Variants in NRG3 observed in about 807,000 individuals in gnomAD.
NRG3 encodes the protein pro-neuregulin-3, membrane-bound isoform.
A neutral mutation model predicts 66.9 loss-of-function variants in NRG3; 31 were observed. The observed-to-expected ratio is 0.46, with a 90% CI of 0.35 to 0.63. The LOEUF (loss-of-function observed/expected upper bound fraction) is 0.63. NRG3 is among the 20% of genes least tolerant of loss of function. NRG3 has a pLI of 0.00. For missense variants in NRG3, 910 were observed against 878.9 expected (o/e 1.04, Z -0.45); for synonymous variants, 393 against 359.4 (o/e 1.09, Z -1.06).
At chr10:82,593,818 T>G (rs1018598717) in intron 2 of NRG3, among the ~76,000 whole-genome samples, 1 of 151,956 alleles carries the variant, frequency 6.6e-6, no homozygotes, top group Non-Finnish European at 1.5e-5. Context: ...TCTGTTTTAA[T>G]ACATATATAT....
chr10:82,638,411 G>A (rs1011419990), intron 2 of NRG3, among the ~76,000 whole-genome samples: 4 of 152,128 alleles, frequency 2.6e-5, no homozygotes, highest in African/African-American at 9.7e-5. Flanking sequence ...ACTGCACTGT[G>A]TCCCTGGGAA....
At chr10:82,085,010 C>A (rs1349217331) in intron 1 of NRG3, among the ~76,000 whole-genome samples, 1 of 152,102 alleles carries the variant, frequency 6.6e-6, no homozygotes, top group African/African-American at 2.4e-5. Context: ...ATGATTGCCT[C>A]AGGAACAAAT....
intron 2 of NRG3, among the ~76,000 whole-genome samples, chr10:82,681,982 C>A (rs1254987727): frequency 6.6e-6 from 1 of 152,168 alleles, no homozygotes; most frequent in Non-Finnish European, 1.5e-5. Context: ...CAGTTCTCAA[C>A]AACCGCCTGC....
intron 1 of NRG3, among the ~76,000 whole-genome samples, chr10:82,006,736 G>A (rs952317481): frequency 2.0e-5 from 3 of 151,976 alleles, no homozygotes; most frequent in Admixed American, 2.0e-4. Flanking sequence ...TGTATCCTAA[G>A]CTCTCATTGG....
intron 2 of NRG3, among the ~76,000 whole-genome samples, chr10:82,467,131 C>G (rs1840763169): frequency 6.6e-6 from 1 of 152,130 alleles, no homozygotes; most frequent in Admixed American, 6.5e-5. Context: ...TGAAGGAGCC[C>G]TGTAAACAGT....
chr10:81,972,916 AAC>A (rs2059983014), intron 1 of NRG3, among the ~76,000 whole-genome samples: 1 of 152,210 alleles, frequency 6.6e-6, no homozygotes, highest in African/African-American at 2.4e-5. Context: ...AATTTTAAAA[AAC>A]AATCTTTTTT....
Position 81,968,443 on chromosome 10 carries a change from G to T in NRG3, c.823+92280G>T, listed in dbSNP as rs537225690. On this transcript the variant is annotated intron_variant, in intron 1 of 8. Transcript: ENST00000372141. Reference sequence around the variant, plus strand: ...CTTGCCACGCAAGTTGAAGCTGAGGGATGAGAGTGAGAAAGTGAGATGTCA... The same window carrying T: ...CTTGCCACGCAAGTTGAAGCTGAGGTATGAGAGTGAGAAAGTGAGATGTCA... 2.0e-5 allele frequency among the ~76,000 whole-genome samples: 3 copies of T among 152,286 alleles called. No individual in the cohort carries two copies. The South Asian group carries it at 6.2e-4, about 32-fold the overall frequency.
chr10:82,950,029 C>CT (rs1849376584), intron 4 of NRG3, among the ~76,000 whole-genome samples: 2 of 152,070 alleles, frequency 1.3e-5, no homozygotes, highest in Non-Finnish European at 2.9e-5. Flanking sequence ...GTTTCTCAGA[C>CT]CAGTAGCATC....
At chr10:82,951,756 A>G (rs774804954) in intron 5 of NRG3, among the ~76,000 whole-genome samples, 185 bp downstream of exon 5, 1 of 152,204 alleles carries the variant, frequency 6.6e-6, no homozygotes, top group Non-Finnish European at 1.5e-5. Context: ...ACATGCATGT[A>G]TGTGATGTGT....
At chr10:82,819,182 T>C (rs889942474) in intron 3 of NRG3, among the ~76,000 whole-genome samples, 6 of 152,204 alleles carry the variant, frequency 3.9e-5, no homozygotes, top group Admixed American at 3.3e-4. Context: ...TTACTTCTCT[T>C]AAAACTAGGT....
chr10:82,294,374 C>T (rs904740169), intron 1 of NRG3, among the ~76,000 whole-genome samples: 3 of 151,964 alleles, frequency 2.0e-5, no homozygotes, highest in Non-Finnish European at 4.4e-5. Flanking sequence ...GCCTAGGATG[C>T]ATTAGATAAT....
intron 2 of NRG3, among the ~76,000 whole-genome samples, chr10:82,373,784 T>C (rs2085043734): frequency 6.6e-6 from 1 of 152,194 alleles, no homozygotes; most frequent in South Asian, 2.1e-4. Flanking sequence ...CTTATTTTCT[T>C]TGACAAGGTT....
At chr10:82,548,622 G>A (rs1378104911) in intron 2 of NRG3, among the ~76,000 whole-genome samples, 2 of 151,462 alleles carry the variant, frequency 1.3e-5, no homozygotes, top group Non-Finnish European at 2.9e-5. Context: ...GGCAGGACCT[G>A]GAAAAACAGA....
At chr10:82,915,291 C>T (rs775533623) in intron 4 of NRG3, among the ~76,000 whole-genome samples, 3 of 152,154 alleles carry the variant, frequency 2.0e-5, no homozygotes, top group Non-Finnish European at 2.9e-5. Flanking sequence ...TTTTGTTTCA[C>T]TTTGTTCTTT....
At chr10:82,238,545 T>C (rs1157350946) in intron 1 of NRG3, among the ~76,000 whole-genome samples, 10 of 152,152 alleles carry the variant, frequency 6.6e-5, no homozygotes, top group Non-Finnish European at 2.9e-5. Context: ...GCTGATTGCC[T>C]TCTGACTTTT....
At position 82,985,635 on chromosome 10, in the gene NRG3, G is replaced by A; in HGVS notation, c.*30G>A. On this transcript the variant is annotated 3_prime_UTR_variant, in exon 9 of 9. Coordinates refer to ENST00000372141, the MANE Select transcript of NRG3 (RefSeq NM_001010848.4). ...AGATGTAGGAATCTGTGCATTCTAT[G>A]CTTTGCTCAACAGGAAAGAGAGGAA... The A allele has an allele frequency of 6.3e-7, 1 of 1,582,888 alleles. No individual in the cohort carries two copies. The highest frequency in any genetic ancestry group is 8.5e-7 in the Non-Finnish European group (1 of 1,170,442).
chr10:82,241,494 A>G (rs2077006887), intron 1 of NRG3, among the ~76,000 whole-genome samples: 1 of 152,116 alleles, frequency 6.6e-6, no homozygotes, highest in Admixed American at 6.5e-5. Flanking sequence ...ATTAAGGACA[A>G]CTAAGCTAAA....
At chr10:81,993,367 G>A (rs1160289224) in intron 1 of NRG3, among the ~76,000 whole-genome samples, 1 of 152,032 alleles carries the variant, frequency 6.6e-6, no homozygotes, top group African/African-American at 2.4e-5. Context: ...TTCTTTTTGA[G>A]ACAGGGTCTT....
intron 2 of NRG3, among the ~76,000 whole-genome samples, chr10:82,427,415 T>G (rs1027377408): frequency 2.0e-5 from 3 of 152,148 alleles, no homozygotes; most frequent in Non-Finnish European, 4.4e-5. Flanking sequence ...GCCAAATGCT[T>G]TTTCTACTAT....
Sources: allele counts gnomAD v4.1 joint callset (sites outside exome capture counted in the v4.1 genomes callset), GRCh38; gene constraint gnomAD v4.1.1; transcripts MANE v1.5; gene names NCBI Gene and HGNC (gene_info 2026-07-23, HGNC 2026-07-21).